Variants in EXOC2 observed in about 807,000 individuals in gnomAD.
The protein encoded by EXOC2 is exocyst complex component 2.
In EXOC2, 70 loss-of-function variants were observed where a neutral mutation model predicts 131.8. The ratio of observed to expected loss-of-function variants is 0.53; its 90% CI spans 0.44 to 0.65. EXOC2 has a LOEUF of 0.65. Among genes scored for constraint, EXOC2 ranks in the 30% least tolerant of loss-of-function variants. EXOC2 has a pLI of 0.00. For synonymous variants in EXOC2, 411 were observed against 398.4 expected (o/e 1.03, Z -0.38); for missense variants, 923 against 1,108.6 (o/e 0.83, Z 2.38).
chr6:638,386 G>A (rs934829793), intron 1 of EXOC2, among the ~76,000 whole-genome samples: 1 of 152,084 alleles, frequency 6.6e-6, no homozygotes, highest in East Asian at 1.9e-4. Context: ...AACCTAGAAC[G>A]TAGATACAGG....
chr6:515,283 C>G (rs1765081919), intron 23 of EXOC2, among the ~76,000 whole-genome samples: 1 of 152,168 alleles, frequency 6.6e-6, no homozygotes, highest in Non-Finnish European at 1.5e-5. Flanking sequence ...GCAAACAAAA[C>G]CAGGAAGGTA....
At chr6:560,801 G>A (rs865853433) in intron 17 of EXOC2, among the ~76,000 whole-genome samples, 13 of 151,422 alleles carry the variant, frequency 8.6e-5, no homozygotes, top group Non-Finnish European at 1.3e-4. Context: ...TCTGCCTCCC[G>A]GGTTCAAGTG....
chr6:510,842 A>G (rs1305618675), intron 23 of EXOC2, among the ~76,000 whole-genome samples: 3 of 152,320 alleles, frequency 2.0e-5, no homozygotes, highest in South Asian at 2.1e-4. Flanking sequence ...TTTTTTCATT[A>G]CAAGGAAACT....
chr6:641,833 ACT>A (rs954878999), intron 1 of EXOC2, among the ~76,000 whole-genome samples: 6 of 151,786 alleles, frequency 4.0e-5, no homozygotes, highest in African/African-American at 1.5e-4. Flanking sequence ...ATAACTGGTA[ACT>A]CTGCCCCATT....
rs181780845 is a variant in EXOC2 at position 521,659 on chromosome 6, T to G, written c.2380+10810A>C. On this transcript the variant is annotated intron_variant, in intron 23 of 27. Coordinates refer to ENST00000230449, the MANE Select transcript of EXOC2 (RefSeq NM_018303.6). ...CTCCCACCTCAGCCTCCTGAGTAGC[T>G]GGGACCACAGGTATGTGCCACCATG... Among the ~76,000 whole-genome samples the G allele has an allele frequency of 3.3e-5, 5 of 152,214 alleles. No individual in the cohort carries two copies. The East Asian group carries it at 9.7e-4, about 29-fold the overall frequency.
chr6:598,681 T>G (rs1488726349), intron 9 of EXOC2, among the ~76,000 whole-genome samples, 179 bp downstream of exon 9: 1 of 152,252 alleles, frequency 6.6e-6, no homozygotes, highest in Non-Finnish European at 1.5e-5. Flanking sequence ...TTGCTCATTT[T>G]CACTGCGTAT....
At chr6:579,584 A>G (rs1046953157) in intron 11 of EXOC2, among the ~76,000 whole-genome samples, 2 of 152,246 alleles carry the variant, frequency 1.3e-5, no homozygotes, top group African/African-American at 4.8e-5. Context: ...CCTGTCAACT[A>G]AACAGTGGGT....
chr6:535,786 A>G lies in EXOC2; in HGVS notation c.2239-3176T>C, dbSNP rs1766407162. Reference sequence around the variant, plus strand: ...AGAATAGAGGCTGAAAGCATTTCCTATTTTGTTTAATGAAGCCAGTATAAC... The same window carrying G: ...AGAATAGAGGCTGAAAGCATTTCCTGTTTTGTTTAATGAAGCCAGTATAAC... On this transcript the variant is annotated intron_variant, in intron 22 of 27. Coordinates refer to ENST00000230449, the MANE Select transcript of EXOC2 (RefSeq NM_018303.6). 2.0e-5 allele frequency among the ~76,000 whole-genome samples: 3 copies of G among 152,338 alleles called. No homozygotes were observed. The South Asian group carries it at 6.2e-4, about 32-fold the overall frequency.
At position 638,961 on chromosome 6, in the gene EXOC2, T is replaced by TA. The variant is rs1762229612; in HGVS notation, c.-43-1101dup. Among the ~76,000 whole-genome samples, 4 of 72,024 alleles carry TA rather than the reference T, an allele frequency of 5.6e-5. No individual in the cohort carries two copies. In the South Asian group the frequency reaches 1.7e-3, roughly 30 times the overall value. The allele number at this position is 72,024 out of a possible 152,430, so 47.3% of individuals were successfully genotyped here. A position where few individuals can be genotyped will look rare whatever the true frequency, so the allele number is the denominator to read the frequency against. Reference sequence around the variant, plus strand: ...AATAAAAATAATAAAATTTTACTAATAAACCCGAGAACTCAAGTGCTCAGG... The same window carrying TA: ...AATAAAAATAATAAAATTTTACTAATAAAACCCGAGAACTCAAGTGCTCAGG... On this transcript the variant is annotated intron_variant, in intron 1 of 27. Transcript: ENST00000230449.
At chr6:585,138 A>G (rs1759133542) in intron 11 of EXOC2, among the ~76,000 whole-genome samples, 2 of 152,228 alleles carry the variant, frequency 1.3e-5, no homozygotes, top group Admixed American at 6.5e-5. Flanking sequence ...GGGGAAGAGA[A>G]GCAAAATGGT....
chr6:550,177 G>A (rs552804308), intron 21 of EXOC2, among the ~76,000 whole-genome samples: 1 of 152,312 alleles, frequency 6.6e-6, no homozygotes, highest in African/African-American at 2.4e-5. Context: ...TAGATCCTTT[G>A]ACTAAACCTT....
chr6:567,553 G>A (rs955088827), intron 13 of EXOC2, among the ~76,000 whole-genome samples: 2 of 152,178 alleles, frequency 1.3e-5, no homozygotes, highest in Admixed American at 6.5e-5. Flanking sequence ...TTATATTGTA[G>A]ATATGTATAT....
rs1274973506 is a variant in EXOC2 at position 485,801 on chromosome 6, C to A, written c.*870G>T. The A allele has an allele frequency of 6.6e-6, 1 of 152,242 alleles. No homozygotes were observed. Among genetic ancestry groups the A allele is most frequent in the Non-Finnish European group, 1.5e-5 (1 of 68,060 alleles). The allele number at this position is 152,242 out of a possible 1,614,324, so 9.4% of individuals were successfully genotyped here. A position where few individuals can be genotyped will look rare whatever the true frequency, so the allele number is the denominator to read the frequency against. The stretch of plus-strand genomic sequence containing the variant: ...AGGTAAGAAGTGGCAGAGACAGTCA[C>A]CTGCTGAAGGAGCGGGCAGGGAGTT... On this transcript the variant is annotated 3_prime_UTR_variant, in exon 28 of 28. Transcript: ENST00000230449.
intron 1 of EXOC2, among the ~76,000 whole-genome samples, chr6:652,303 C>T (rs143715287): frequency 1.8e-3 from 273 of 152,280 alleles, no homozygotes; most frequent in Non-Finnish European, 2.6e-3. Context: ...GGAAACACAT[C>T]TTAGTAAGCC....
At chr6:534,433 CAGAGAGAG>C (rs34753404) in intron 22 of EXOC2, among the ~76,000 whole-genome samples, 4 of 148,600 alleles carry the variant, frequency 2.7e-5, no homozygotes, top group South Asian at 2.2e-4. Context: ...GAGAGAGAGA[CAGAGAGAG>C]AGAGAGAGAG....
At chr6:512,901 CTG>C (rs1232897557) in intron 23 of EXOC2, among the ~76,000 whole-genome samples, 2 of 152,256 alleles carry the variant, frequency 1.3e-5, no homozygotes, top group East Asian at 3.9e-4. Context: ...AGTAAGTAAA[CTG>C]TAAAATATTT....
At chr6:627,146 G>C (rs1761614177) in intron 4 of EXOC2, among the ~76,000 whole-genome samples, 2 of 149,670 alleles carry the variant, frequency 1.3e-5, no homozygotes, top group Non-Finnish European at 3.0e-5. Flanking sequence ...ACATTCTACA[G>C]TCTGCCTTTC....
chr6:486,579 A>G lies in EXOC2; in HGVS notation c.*92T>C, dbSNP rs565124862. 20 of 1,160,948 alleles carry G rather than the reference A, an allele frequency of 1.7e-5. No individual in the cohort carries two copies. Among genetic ancestry groups the G allele is most frequent in the Non-Finnish European group, 2.4e-5 (19 of 804,288 alleles). The allele number at this position is 1,160,948 out of a possible 1,614,324, so 71.9% of individuals were successfully genotyped here. On this transcript the variant is annotated 3_prime_UTR_variant, in exon 28 of 28. Coordinates refer to ENST00000230449, the MANE Select transcript of EXOC2 (RefSeq NM_018303.6). ...AAAAAAGAGAAAAATGGCAAACCCAATGTTTAATACACCAAATACCTTTAG... is the reference window on the plus strand; with the variant it reads ...AAAAAAGAGAAAAATGGCAAACCCAGTGTTTAATACACCAAATACCTTTAG...
chr6:692,208 G>T (rs1306505116), intron 1 of EXOC2, among the ~76,000 whole-genome samples: 1 of 152,152 alleles, frequency 6.6e-6, no homozygotes, highest in Non-Finnish European at 1.5e-5. Flanking sequence ...ATTCATAAAG[G>T]CATCAGACTT....
Sources: allele counts gnomAD v4.1 joint callset (sites outside exome capture counted in the v4.1 genomes callset), GRCh38; gene constraint gnomAD v4.1.1; transcripts MANE v1.5; gene names NCBI Gene and HGNC (gene_info 2026-07-23, HGNC 2026-07-21).